PODN: variants seen among roughly 807,000 people sequenced by gnomAD.
The protein encoded by PODN is podocan.
A neutral mutation model predicts 52.7 loss-of-function variants in PODN; 40 were observed. The observed-to-expected ratio is 0.76, with a 90% CI of 0.59 to 0.99. PODN has a LOEUF of 0.99. Among genes scored for constraint, PODN ranks in the 50% least tolerant of loss-of-function variants. PODN has a pLI of 0.00. For missense variants in PODN, 720 were observed against 815.1 expected (o/e 0.88, Z 1.42); for synonymous variants, 396 against 377.9 (o/e 1.05, Z -0.56).
intron 1 of PODN, among the ~76,000 whole-genome samples, chr1:53,069,098 T>A (rs1473570664): frequency 6.6e-6 from 1 of 152,130 alleles, no homozygotes; most frequent in Non-Finnish European, 1.5e-5. Flanking sequence ...GAAGATACCT[T>A]TGCTATTCAA....
rs867055390 is a variant in PODN at position 53,079,008 on chromosome 1, C to T, written c.1498C>T (p.Leu500Phe). ...RALGPRAWVD[L>F]AHLQLLDIAG... ...CCTGGGCCCCCGTGCCTGGGTGGAC[C>T]TCGCCCATCTGCAGGTAAGCGGAAG... is the stretch of plus-strand genomic sequence containing the variant. Residue 500 changes from leucine (L) to phenylalanine (F), a missense_variant, in exon 8 of 11, where the codon CTC becomes TTC. By Grantham distance (22) the Leu-to-Phe change is conservative. Coordinates refer to ENST00000312553, the MANE Select transcript of PODN (RefSeq NM_153703.5). 2.6e-6 allele frequency: 4 copies of T among 1,552,878 alleles called. No homozygotes were observed. The Admixed American group carries it at 7.3e-5, about 29-fold the overall frequency.
intron 4 of PODN, 83 bp from the exon 5 acceptor site, chr1:53,075,779 C>G: frequency 8.4e-7 from 1 of 1,188,900 alleles, no homozygotes; most frequent in African/African-American, 1.5e-5. Flanking sequence ...AGTGAAGGGG[C>G]CCCGGTGGGC....
intron 1 of PODN, among the ~76,000 whole-genome samples, chr1:53,062,868 C>T (rs546541703): frequency 2.6e-5 from 4 of 152,368 alleles, no homozygotes; most frequent in South Asian, 2.1e-4. Flanking sequence ...TCGGCTTCCC[C>T]GGCCACTGTG....
intron 3 of PODN, chr1:53,073,692 AT>A (rs1165716301): frequency 1.3e-5 from 2 of 152,230 alleles, no homozygotes; most frequent in Admixed American, 1.3e-4. Flanking sequence ...ATTTCTCATA[AT>A]TTTGCCACTC....
chr1:53,078,755 C>A lies in PODN; in HGVS notation c.1245C>A (p.Arg415=). ...AGGAGCTCAACCTCAGCTACAACCGCATCACCAGCCCGCAGGTGCACCGCG... is the reference window on the plus strand; with the variant it reads ...AGGAGCTCAACCTCAGCTACAACCGAATCACCAGCCCGCAGGTGCACCGCG... ...FLEELNLSYN[R]ITSPQVHRDA... is the part of the protein sequence containing the mutation. The change falls in exon 8 of 11, where the codon CGC becomes CGA. Residue 415 remains arginine (R), a synonymous_variant. Coordinates refer to ENST00000312553, the MANE Select transcript of PODN (RefSeq NM_153703.5). 1 of 1,613,422 alleles carries A rather than the reference C, an allele frequency of 6.2e-7. No homozygotes were observed. The highest frequency in any genetic ancestry group is 8.5e-7 in the Non-Finnish European group (1 of 1,179,966).
chr1:53,080,692 G>A (rs1644282084), intron 8 of PODN, 36 bp from the exon 9 acceptor site: 6 of 1,605,186 alleles, frequency 3.7e-6, no homozygotes, highest in Non-Finnish European at 4.3e-6. Context: ...GCTTTGCACA[G>A]GTGGGAGTCC....
Position 53,062,395 on chromosome 1 carries a change from G to T in PODN, c.-56+87G>T. ...TCAGACGTCCCCGCCTCTCCGGATG[G>T]CTCCAGCAGCTGCCTGGGGCGGGCC... On this transcript the variant is annotated intron_variant, in intron 1 of 10. Transcript: ENST00000312553. 3.0e-6 allele frequency: 3 copies of T among 1,003,164 alleles called. 1 individual carries two copies. The South Asian group carries it at 1.5e-4, about 51-fold the overall frequency. 62.1% of individuals were successfully genotyped at this position (1,003,164 alleles called of 1,614,324 possible). A position where few individuals can be genotyped will look rare whatever the true frequency, so the allele number is the denominator to read the frequency against.
chr1:53,075,515 C>T (rs1227810663), intron 4 of PODN, among the ~76,000 whole-genome samples: 1 of 152,206 alleles, frequency 6.6e-6, no homozygotes, highest in Admixed American at 6.5e-5. Context: ...CTTGGAGAAG[C>T]CAGAGCAACC....
At chr1:53,077,884 C>A (rs1471507660) in intron 7 of PODN, 84 bp downstream of exon 7, 3 of 1,131,838 alleles carry the variant, frequency 2.7e-6, no homozygotes, top group Non-Finnish European at 3.9e-6. Context: ...CCCAGCCCAG[C>A]CCCTCACGCA....
intron 1 of PODN, among the ~76,000 whole-genome samples, chr1:53,065,995 CTTT>C (rs780284767): frequency 7.8e-5 from 9 of 115,266 alleles, no homozygotes; most frequent in Non-Finnish European, 5.1e-5. Context: ...TTCTAGAGGT[CTTT>C]TTTTTTTTTT....
intron 1 of PODN, among the ~76,000 whole-genome samples, chr1:53,063,096 G>A (rs1643983008): frequency 6.6e-6 from 1 of 152,244 alleles, no homozygotes. Flanking sequence ...GCCTGGGGCG[G>A]GGGACGAGAT....
At chr1:53,072,086 T>TA (rs1181705456) in intron 3 of PODN, among the ~76,000 whole-genome samples, 4 of 145,030 alleles carry the variant, frequency 2.8e-5, no homozygotes, top group African/African-American at 1.0e-4. Context: ...ATAAAATAAA[T>TA]AAAAAATAAA....
intron 1 of PODN, chr1:53,066,682 C>G: frequency 1.3e-6 from 1 of 761,826 alleles, no homozygotes; most frequent in Non-Finnish European, 2.1e-6. Flanking sequence ...GGGAGCTCAG[C>G]TTTGCCACTT....
In PODN at chr1:53,069,979, G is replaced by A. The variant is rs780394941; in HGVS notation, c.124G>A (p.Glu42Lys). 1.2e-6 allele frequency: 2 copies of A among 1,610,744 alleles called. No homozygotes were observed. Among genetic ancestry groups the A allele is most frequent in the Middle Eastern group, 1.7e-4 (1 of 6,016 alleles). ...RSGGHSLSPEENEFAEEEPVL... is the reference protein window; with the variant it reads ...RSGGHSLSPEKNEFAEEEPVL... ...TGGCGGCCACAGCCTGAGCCCCGAA[G>A]AGAACGAATTTGCGGAGGAGGAGCC... is the stretch of plus-strand genomic sequence containing the variant. The change falls in exon 2 of 11, where the codon GAG becomes AAG. Residue 42 changes from glutamate (E) to lysine (K), a missense_variant. Glu to Lys is a moderately conservative substitution (Grantham distance 56). Transcript: ENST00000312553.
At position 53,074,740 on chromosome 1, in the gene PODN, G is replaced by A. The variant is rs1644170228; in HGVS notation, c.471+70G>A. 4.6e-6 allele frequency: 7 copies of A among 1,530,834 alleles called. No individual in the cohort carries two copies. In the South Asian group the frequency reaches 7.8e-5, roughly 17 times the overall value. 94.8% of individuals were successfully genotyped at this position (1,530,834 alleles called of 1,614,324 possible). The stretch of plus-strand genomic sequence containing the variant: ...AGGCATTGTCTTCCCTGAGTTCCAT[G>A]AACTTTCACCAGGGCCTTTCTGGAC... On this transcript the variant is annotated intron_variant, in intron 4 of 10. Coordinates refer to ENST00000312553, the MANE Select transcript of PODN (RefSeq NM_153703.5).
At position 53,070,012 on chromosome 1, in the gene PODN, G is replaced by A. The variant is rs150962682; in HGVS notation, c.157G>A (p.Val53Ile). The A allele has an allele frequency of 1.1e-5, 18 of 1,612,812 alleles. No homozygotes were observed. The African/African-American group carries it at 1.7e-4, about 16-fold the overall frequency. ...ATTTGCGGAGGAGGAGCCGGTGCTG[G>A]TACTGAGCCCTGAGGAGCCCGGGCC... The part of the protein sequence containing the change: ...NEFAEEEPVL[V>I]LSPEEPGPGP... Residue 53 changes from valine (V) to isoleucine (I), a missense_variant, in exon 2 of 11, where the codon GTA (valine) becomes ATA (isoleucine). Transcript: ENST00000312553.
At chr1:53,075,344 G>A (rs979363458) in intron 4 of PODN, among the ~76,000 whole-genome samples, 1 of 152,136 alleles carries the variant, frequency 6.6e-6, no homozygotes, top group Non-Finnish European at 1.5e-5. Flanking sequence ...CTCTGCAAGG[G>A]GGCATCTCCA....
chr1:53,076,050 C>A, intron 5 of PODN, 79 bp downstream of exon 5: 2 of 1,228,114 alleles, frequency 1.6e-6, no homozygotes, highest in Non-Finnish European at 2.3e-6. Context: ...CTGTGTGAGG[C>A]AGAGACAGGT....
At chr1:53,070,743 G>T (rs1398617139) in intron 2 of PODN, among the ~76,000 whole-genome samples, 1 of 152,264 alleles carries the variant, frequency 6.6e-6, no homozygotes, top group Admixed American at 6.5e-5. Flanking sequence ...GAGGCGATCA[G>T]GCCTGGTGCG....
Sources: gnomAD v4.1 joint callset for allele counts (sites outside exome capture counted in the v4.1 genomes callset) on GRCh38, gnomAD v4.1.1 for gene constraint, MANE v1.5 for transcripts, NCBI Gene and HGNC (gene_info 2026-07-23, HGNC 2026-07-21) for gene names.